Variants in PKHD1 observed in about 807,000 individuals in gnomAD.
The protein encoded by PKHD1 is fibrocystin.
PKHD1 carries 291 observed loss-of-function variants against 412.0 expected under a neutral mutation model. That is an observed-to-expected ratio of 0.71 (90% CI 0.64 to 0.78). The LOEUF (loss-of-function observed/expected upper bound fraction) is 0.78. Ranked by LOEUF, PKHD1 falls within the 30% of genes least tolerant of loss-of-function variation. The probability of loss-of-function intolerance (pLI) is 0.00; values close to 1 mark genes in which losing one functional copy is unlikely to be tolerated. For synonymous variants in PKHD1, 1,777 were observed against 1,821.5 expected (o/e 0.98, Z 0.62); for missense variants, 4,825 against 4,950.7 (o/e 0.97, Z 0.76).
chr6:52,072,957 T>C (rs569709529), intron 7 of PKHD1, among the ~76,000 whole-genome samples: 1 of 152,252 alleles, frequency 6.6e-6, no homozygotes, highest in Admixed American at 6.5e-5. Context: ...TTCCACCACG[T>C]CTCCAGTGAA....
chr6:52,048,649 G>A (rs563233793), intron 22 of PKHD1, 30 bp from the exon 23 acceptor site: 24 of 1,613,336 alleles, frequency 1.5e-5, no homozygotes, highest in South Asian at 1.4e-4. Flanking sequence ...AAGTATTAAC[G>A]TCTGGGTTGG....
At position 52,059,864 on chromosome 6, in the gene PKHD1, C is replaced by A. The variant is rs549859844; in HGVS notation, c.1233+64G>T. The A allele has an allele frequency of 3.6e-3, 2,986 of 833,424 alleles. 9 individuals carry two copies. Among genetic ancestry groups the A allele is most frequent in the Middle Eastern group, 0.011 (50 of 4,570 alleles). The allele number at this position is 833,424 out of a possible 1,614,324, so 51.6% of individuals were successfully genotyped here. On this transcript the variant is annotated intron_variant, in intron 15 of 66. Coordinates refer to ENST00000371117, the MANE Select transcript of PKHD1 (RefSeq NM_138694.4). ...AAACATGAGAGCCTTAACTTTGATT[C>A]TTTCTTTCTTCATGGGTATGGGACT...
chr6:51,624,100 G>T (rs1006195731), intron 66 of PKHD1, among the ~76,000 whole-genome samples: 1 of 151,634 alleles, frequency 6.6e-6, no homozygotes, highest in Non-Finnish European at 1.5e-5. Flanking sequence ...ATGTTGCCCA[G>T]GTTGGAGTGC....
chr6:51,867,572 C>G (rs1296377269), intron 48 of PKHD1, among the ~76,000 whole-genome samples: 1 of 152,082 alleles, frequency 6.6e-6, no homozygotes, highest in East Asian at 1.9e-4. Context: ...TTCAAACTCT[C>G]TGTTGGCTGT....
intron 60 of PKHD1, among the ~76,000 whole-genome samples, chr6:51,717,558 A>G (rs1199333226): frequency 6.6e-6 from 1 of 152,198 alleles, no homozygotes. Flanking sequence ...CAGTACAGTA[A>G]TATGCTGTGG....
chr6:51,655,058 C>G (rs935863196), intron 61 of PKHD1, among the ~76,000 whole-genome samples: 5 of 151,896 alleles, frequency 3.3e-5, no homozygotes, highest in African/African-American at 1.2e-4. Flanking sequence ...TGCCATCGAC[C>G]CAATTAAACA....
At chr6:51,650,234 G>C (rs1258775949) in intron 61 of PKHD1, among the ~76,000 whole-genome samples, 1 of 152,028 alleles carries the variant, frequency 6.6e-6, no homozygotes, top group African/African-American at 2.4e-5. Flanking sequence ...TCAGAGTTTC[G>C]GTATTTTTGA....
At chr6:51,862,678 C>A (rs1007365643) in intron 48 of PKHD1, among the ~76,000 whole-genome samples, 1 of 152,156 alleles carries the variant, frequency 6.6e-6, no homozygotes. Context: ...AACGCAAGCA[C>A]TACAGGAGAG....
intron 50 of PKHD1, among the ~76,000 whole-genome samples, chr6:51,842,493 G>A (rs757745772): frequency 6.6e-6 from 1 of 152,100 alleles, no homozygotes; most frequent in Non-Finnish European, 1.5e-5. Flanking sequence ...GGCTGTGTGC[G>A]AGCAGCTGCT....
chr6:52,082,291 T>C, intron 4 of PKHD1, 101 bp downstream of exon 4: 2 of 1,189,722 alleles, frequency 1.7e-6, no homozygotes, highest in South Asian at 2.5e-5. Flanking sequence ...TGGCTGGCAA[T>C]TGAATCACAG....
At chr6:52,046,221 G>A (rs745352104) in intron 23 of PKHD1, 33 bp from the exon 24 acceptor site, 45 of 1,471,712 alleles carry the variant, frequency 3.1e-5, no homozygotes, top group Non-Finnish European at 4.3e-5. Flanking sequence ...AGAAAACACA[G>A]ACACTAATTA....
rs189108741 is a variant in PKHD1, at chr6:51,852,771, C to T, written c.7911+3122G>A. ...CTTTCCATTTGCTTGGTAAGTTTTC[C>T]TCCATCCCTTTATTTTGAGCCTGTG... On this transcript the variant is annotated intron_variant, in intron 49 of 66. Coordinates refer to ENST00000371117, the MANE Select transcript of PKHD1 (RefSeq NM_138694.4). 5.0e-3 allele frequency among the ~76,000 whole-genome samples: 748 copies of T among 150,814 alleles called. 9 individuals carry two copies. Among genetic ancestry groups the T allele is most frequent in the African/African-American group, 0.017 (717 of 41,052 alleles).
At chr6:52,064,567 G>T (rs1189002427) in intron 13 of PKHD1, among the ~76,000 whole-genome samples, 1 of 152,138 alleles carries the variant, frequency 6.6e-6, no homozygotes, top group Admixed American at 6.5e-5. Context: ...GTTGTTTTGA[G>T]CATAGCAGAG....
chr6:52,063,698 G>A (rs1423203508), intron 13 of PKHD1, among the ~76,000 whole-genome samples: 5 of 152,178 alleles, frequency 3.3e-5, no homozygotes, highest in Non-Finnish European at 2.9e-5. Context: ...CAGCCCACTA[G>A]ATGTCAGTAT....
At chr6:51,841,930 C>A (rs1435714365) in intron 50 of PKHD1, among the ~76,000 whole-genome samples, 1 of 152,216 alleles carries the variant, frequency 6.6e-6, no homozygotes, top group East Asian at 1.9e-4. Flanking sequence ...AGGCTCCAAC[C>A]CAGGAAAGCA....
At chr6:51,894,080 C>A (rs1779515257) in intron 43 of PKHD1, among the ~76,000 whole-genome samples, 1 of 152,220 alleles carries the variant, frequency 6.6e-6, no homozygotes, top group African/African-American at 2.4e-5. Context: ...CAGATTCACA[C>A]AGGTTATGTC....
chr6:51,946,960 C>T (rs1458530460), intron 36 of PKHD1, among the ~76,000 whole-genome samples: 3 of 152,134 alleles, frequency 2.0e-5, no homozygotes, highest in Non-Finnish European at 4.4e-5. Context: ...AACAAATACA[C>T]AATTCTATTT....
chr6:51,891,704 C>A (rs1779149225), intron 43 of PKHD1, among the ~76,000 whole-genome samples: 1 of 146,316 alleles, frequency 6.8e-6, no homozygotes, highest in Non-Finnish European at 1.5e-5. Flanking sequence ...ACCACATGTT[C>A]CACAAGGAAC....
intron 60 of PKHD1, among the ~76,000 whole-genome samples, chr6:51,723,776 G>A (rs1322091834): frequency 6.6e-6 from 1 of 152,156 alleles, no homozygotes; most frequent in East Asian, 1.9e-4. Context: ...CTTTCCAGAT[G>A]TAATTCCAGA....
Sources: gnomAD v4.1 joint callset for allele counts (sites outside exome capture counted in the v4.1 genomes callset) on GRCh38, gnomAD v4.1.1 for gene constraint, MANE v1.5 for transcripts, NCBI Gene and HGNC (gene_info 2026-07-23, HGNC 2026-07-21) for gene names.